ME1: variants seen among roughly 807,000 people sequenced by gnomAD.
The protein encoded by ME1 is malic enzyme 1, also known as NADP-dependent malic enzyme.
ME1 carries 74 observed loss-of-function variants against 66.4 expected under a neutral mutation model. The ratio of observed to expected loss-of-function variants is 1.11; its 90% confidence interval spans 0.92 to 1.35. The LOEUF is 1.35. ME1 is among the 40% of genes most tolerant of loss of function. ME1 has a pLI of 0.00. For synonymous variants in ME1, 251 were observed against 235.6 expected (o/e 1.07, Z -0.60); for missense variants, 750 against 694.1 (o/e 1.08, Z -0.90).
intron 6 of ME1, among the ~76,000 whole-genome samples, chr6:83,301,340 T>TC (rs1562474438): frequency 9.0e-4 from 69 of 76,396 alleles, no homozygotes; most frequent in African/African-American, 3.2e-3. Context: ...CTCTCTCTCT[T>TC]TCTTTCTTTC....
chr6:83,430,813 G>T, intron 1 of ME1, 64 bp downstream of exon 1: 1 of 1,406,364 alleles, frequency 7.1e-7, no homozygotes, highest in Non-Finnish European at 9.8e-7. Context: ...GCGGGGACCT[G>T]CAAGAGGGCC....
chr6:83,409,800 T>A (rs1386146545), intron 1 of ME1, among the ~76,000 whole-genome samples: 1 of 152,150 alleles, frequency 6.6e-6, no homozygotes, highest in East Asian at 1.9e-4. Flanking sequence ...ACAGCTGGTG[T>A]CTAGTTGCAA....
chr6:83,301,486 G>A (rs1329490468), intron 6 of ME1, among the ~76,000 whole-genome samples: 1 of 151,972 alleles, frequency 6.6e-6, no homozygotes, highest in East Asian at 1.9e-4. Context: ...GGGATTACAG[G>A]CACCCACCAT....
At chr6:83,223,066 C>G (rs1790122433) in intron 12 of ME1, among the ~76,000 whole-genome samples, 2 of 152,222 alleles carry the variant, frequency 1.3e-5, no homozygotes, top group Non-Finnish European at 2.9e-5. Context: ...ATCAGACTTT[C>G]ACTTTAAACC....
chr6:83,412,695 T>C (rs1417949966), intron 1 of ME1, among the ~76,000 whole-genome samples: 1 of 151,928 alleles, frequency 6.6e-6, no homozygotes, highest in East Asian at 1.9e-4. Context: ...ACACAAAACA[T>C]AGATGAATCA....
rs1430367918 is a variant in ME1, at chr6:83,317,815, T to A, written c.601-2402A>T. On this transcript the variant is annotated intron_variant, in intron 5 of 13. Transcript: ENST00000369705. ...GGAAAAAACTACTTTAAAGTTCATA[T>A]GGAACCAAAAAAGAGCCCGCACTGC... Among the ~76,000 whole-genome samples the A allele has an allele frequency of 3.3e-5, 5 of 152,188 alleles. No homozygotes were observed. In the East Asian group the frequency reaches 7.7e-4, roughly 24 times the overall value.
At chr6:83,262,699 C>T (rs1766920822) in intron 6 of ME1, among the ~76,000 whole-genome samples, 1 of 152,112 alleles carries the variant, frequency 6.6e-6, no homozygotes, top group African/African-American at 2.4e-5. Context: ...TTAGCAATAA[C>T]TAATGACCAG....
At chr6:83,216,655 T>C (rs1335208583) in intron 12 of ME1, 59 bp from the exon 13 acceptor site, 1 of 1,131,940 alleles carries the variant, frequency 8.8e-7, no homozygotes, top group African/African-American at 1.6e-5. Flanking sequence ...ATGTGGTGGG[T>C]ACGCCAATAA....
intron 6 of ME1, among the ~76,000 whole-genome samples, chr6:83,302,341 A>AG (rs1767743089): frequency 2.0e-5 from 3 of 152,160 alleles, no homozygotes; most frequent in Admixed American, 1.3e-4. Context: ...CAAAAAAAAA[A>AG]TAACTAACGA....
chr6:83,335,214 A>G (rs1364699011), intron 5 of ME1, among the ~76,000 whole-genome samples: 3 of 29,706 alleles, frequency 1.0e-4, no homozygotes, highest in African/African-American at 4.4e-4. Context: ...AAAGGGTATC[A>G]GCAATGGAAG....
chr6:83,253,644 T>G lies in ME1; in HGVS notation c.799A>C (p.Asn267His). 2 of 1,598,444 alleles carry G rather than the reference T, an allele frequency of 1.3e-6. No individual in the cohort carries two copies. The highest frequency in any genetic ancestry group is 2.2e-5 in the South Asian group (2 of 90,340). Residue 267 changes from asparagine to histidine, a missense_variant, in exon 7 of 14, where the codon AAT (asparagine) becomes CAT (histidine). Asn to His is a moderately conservative substitution (Grantham distance 68, BLOSUM62 1). Coordinates refer to ENST00000369705, the MANE Select transcript of ME1 (RefSeq NM_002395.6). ...ATTTTGTTACCTTGAATATCATCATTGAATGTGCAATACTGGTTTCGATAC... is the reference window on the plus strand; with the variant it reads ...ATTTTGTTACCTTGAATATCATCATGGAATGTGCAATACTGGTTTCGATAC... ...NKYRNQYCTFNDDIQGTASVA... is the reference protein window; with the variant it reads ...NKYRNQYCTFHDDIQGTASVA...
intron 6 of ME1, among the ~76,000 whole-genome samples, chr6:83,301,456 C>CCT (rs1389863105): frequency 1.3e-5 from 2 of 152,034 alleles, no homozygotes; most frequent in African/African-American, 2.4e-5. Context: ...GATTCTCCTG[C>CCT]CTCAGCCTCC....
At chr6:83,221,987 A>T (rs537747912) in intron 12 of ME1, among the ~76,000 whole-genome samples, 1 of 150,004 alleles carries the variant, frequency 6.7e-6, no homozygotes, top group Non-Finnish European at 1.5e-5. Flanking sequence ...ACAACACCAC[A>T]TTTTTTTTTT....
intron 3 of ME1, among the ~76,000 whole-genome samples, chr6:83,361,891 A>G (rs1483683333): frequency 6.6e-6 from 1 of 152,172 alleles, no homozygotes; most frequent in Non-Finnish European, 1.5e-5. Context: ...AGTAAGTTAC[A>G]TGAGGAAGTG....
At chr6:83,304,380 C>T (rs555531389) in intron 6 of ME1, among the ~76,000 whole-genome samples, 1 of 152,280 alleles carries the variant, frequency 6.6e-6, no homozygotes, top group South Asian at 2.1e-4. Context: ...TTCTATGACA[C>T]CTCTGAAGAA....
intron 3 of ME1, among the ~76,000 whole-genome samples, chr6:83,362,960 G>A (rs1769031421): frequency 6.6e-6 from 1 of 152,194 alleles, no homozygotes; most frequent in South Asian, 2.1e-4. Flanking sequence ...ATAGAATGGT[G>A]AAACGGCCTT....
In ME1 at chr6:83,296,747, T is replaced by C. The variant is rs114361355; in HGVS notation, c.704+18563A>G. Reference sequence around the variant, plus strand: ...AGACTGTCCCTGTTTGCAGATGACATGATTCTACATGTAGTAAACACCATT... The same window carrying C: ...AGACTGTCCCTGTTTGCAGATGACACGATTCTACATGTAGTAAACACCATT... On this transcript the variant is annotated intron_variant, in intron 6 of 13. Coordinates refer to ENST00000369705, the MANE Select transcript of ME1 (RefSeq NM_002395.6). Among the ~76,000 whole-genome samples the C allele has an allele frequency of 2.5e-3, 387 of 152,304 alleles. 3 individuals are homozygous for C. Among genetic ancestry groups the C allele is most frequent in the African/African-American group, 8.9e-3 (368 of 41,578 alleles).
chr6:83,415,077 T>C (rs998105416), intron 1 of ME1, among the ~76,000 whole-genome samples: 1 of 152,190 alleles, frequency 6.6e-6, no homozygotes, highest in African/African-American at 2.4e-5. Context: ...CTTTATACTA[T>C]TTTTTAAAAT....
chr6:83,287,096 C>T (rs1436615659), intron 6 of ME1, among the ~76,000 whole-genome samples: 1 of 152,058 alleles, frequency 6.6e-6, no homozygotes, highest in African/African-American at 2.4e-5. Flanking sequence ...TTTTCATCGA[C>T]AAATACTAAA....
Sources: gnomAD v4.1 joint callset for allele counts (sites outside exome capture counted in the v4.1 genomes callset) on GRCh38, gnomAD v4.1.1 for gene constraint, MANE v1.5 for transcripts, NCBI Gene and HGNC (gene_info 2026-07-23, HGNC 2026-07-21) for gene names.